LSAMP: variants seen among roughly 807,000 people sequenced by gnomAD.
LSAMP encodes limbic system-associated membrane protein.
A neutral mutation model predicts 38.6 loss-of-function variants in LSAMP; 7 were observed. The ratio of observed to expected loss-of-function variants is 0.18; its 90% confidence interval spans 0.10 to 0.34. The LOEUF (loss-of-function observed/expected upper bound fraction) is 0.34. Ranked by LOEUF, LSAMP falls within the 10% of genes least tolerant of loss-of-function variation. The pLI is 1.00. For missense variants in LSAMP, 313 were observed against 420.0 expected (o/e 0.75, Z 2.23); for synonymous variants, 154 against 166.8 (o/e 0.92, Z 0.59).
intron 2 of LSAMP, among the ~76,000 whole-genome samples, chr3:116,054,845 A>T (rs889285127): frequency 6.6e-6 from 1 of 152,196 alleles, no homozygotes; most frequent in Non-Finnish European, 1.5e-5. Flanking sequence ...ATTGAAGAAC[A>T]AAAGTGCCCT....
chr3:115,907,400 A>C (rs551750032), intron 3 of LSAMP, among the ~76,000 whole-genome samples: 1 of 151,814 alleles, frequency 6.6e-6, no homozygotes, highest in East Asian at 1.9e-4. Flanking sequence ...TTCCACAAGT[A>C]AGGATGCAGC....
intron 3 of LSAMP, among the ~76,000 whole-genome samples, chr3:115,976,796 C>G (rs1319578530): frequency 6.6e-6 from 1 of 152,156 alleles, no homozygotes; most frequent in East Asian, 1.9e-4. Context: ...CTCTCTTTCT[C>G]CTCTGCTGCC....
intron 3 of LSAMP, among the ~76,000 whole-genome samples, chr3:115,953,992 T>G (rs183009121): frequency 2.0e-5 from 3 of 152,332 alleles, no homozygotes; most frequent in Admixed American, 1.3e-4. Flanking sequence ...GCCCCTGCAC[T>G]CTTGACTGCT....
intron 1 of LSAMP, among the ~76,000 whole-genome samples, chr3:116,322,983 T>C (rs1401396727): frequency 6.6e-6 from 1 of 152,092 alleles, no homozygotes; most frequent in African/African-American, 2.4e-5. Context: ...ACAAAATATC[T>C]AAAATTGAGA....
chr3:116,218,628 C>A (rs1406820669), intron 1 of LSAMP, among the ~76,000 whole-genome samples: 1 of 152,102 alleles, frequency 6.6e-6, no homozygotes, highest in Non-Finnish European at 1.5e-5. Context: ...TGGACTACCT[C>A]TCCCTTTTAC....
intron 2 of LSAMP, among the ~76,000 whole-genome samples, chr3:116,026,334 T>C (rs1358394440): frequency 2.0e-5 from 3 of 152,188 alleles, no homozygotes; most frequent in African/African-American, 7.2e-5. Context: ...GAGTTGACTG[T>C]CCAGAGTTGT....
At chr3:116,054,816 G>A (rs1941459119) in intron 2 of LSAMP, among the ~76,000 whole-genome samples, 1 of 152,124 alleles carries the variant, frequency 6.6e-6, no homozygotes, top group Non-Finnish European at 1.5e-5. Context: ...ATCACCACGT[G>A]GTTATGTTCT....
chr3:115,962,997 C>T (rs933664917), intron 3 of LSAMP, among the ~76,000 whole-genome samples: 1 of 152,108 alleles, frequency 6.6e-6, no homozygotes, highest in Non-Finnish European at 1.5e-5. Context: ...ATACATTAGC[C>T]AGGGACCAAC....
chr3:115,827,030 C>T (rs1242168274), intron 6 of LSAMP, among the ~76,000 whole-genome samples: 1 of 149,430 alleles, frequency 6.7e-6, no homozygotes, highest in Non-Finnish European at 1.5e-5. Flanking sequence ...TGTTCTGGAA[C>T]TTCAAGGGAG....
At chr3:116,315,958 G>T (rs1222006846) in intron 1 of LSAMP, among the ~76,000 whole-genome samples, 1 of 152,182 alleles carries the variant, frequency 6.6e-6, no homozygotes, top group Non-Finnish European at 1.5e-5. Context: ...AAAAGTTATT[G>T]AATTCAAATG....
chr3:115,812,073 C>G (rs1337663890), intron 6 of LSAMP, among the ~76,000 whole-genome samples: 1 of 152,136 alleles, frequency 6.6e-6, no homozygotes, highest in African/African-American at 2.4e-5. Flanking sequence ...TCAGCACAAA[C>G]AAAAACAAGG....
chr3:116,230,860 T>G (rs2046395702), intron 1 of LSAMP, among the ~76,000 whole-genome samples: 1 of 152,178 alleles, frequency 6.6e-6, no homozygotes, highest in Non-Finnish European at 1.5e-5. Flanking sequence ...TGAATTGCCT[T>G]CAGTTAAACG....
At chr3:116,427,484 A>T (rs2049218267) in intron 1 of LSAMP, among the ~76,000 whole-genome samples, 1 of 152,200 alleles carries the variant, frequency 6.6e-6, no homozygotes, top group African/African-American at 2.4e-5. Flanking sequence ...TTTTTTGAAT[A>T]GCCATCAGAG....
chr3:115,901,158 C>G (rs373357878), intron 3 of LSAMP, among the ~76,000 whole-genome samples: 3 of 152,202 alleles, frequency 2.0e-5, no homozygotes, highest in South Asian at 2.1e-4. Flanking sequence ...TTTGGATGCT[C>G]TGCCTCTAGA....
chr3:116,066,626 T>A (rs1297765915), intron 2 of LSAMP, among the ~76,000 whole-genome samples: 4 of 152,234 alleles, frequency 2.6e-5, no homozygotes, highest in Non-Finnish European at 5.9e-5. Context: ...CTTCAGATTA[T>A]GTTTTCCATT....
intron 3 of LSAMP, among the ~76,000 whole-genome samples, chr3:115,954,195 T>C (rs1439738965): frequency 6.6e-6 from 1 of 152,232 alleles, no homozygotes; most frequent in Non-Finnish European, 1.5e-5. Context: ...TTATTTGGAA[T>C]GTCTGCAACT....
At chr3:116,264,877 G>A (rs2046872718) in intron 1 of LSAMP, among the ~76,000 whole-genome samples, 1 of 151,218 alleles carries the variant, frequency 6.6e-6, no homozygotes, top group East Asian at 1.9e-4. Context: ...AAGTGCTGGG[G>A]GAAAAAAAAA....
chr3:116,172,700 T>A (rs1710231341), intron 1 of LSAMP, among the ~76,000 whole-genome samples: 1 of 152,072 alleles, frequency 6.6e-6, no homozygotes, highest in East Asian at 1.9e-4. Flanking sequence ...GTTGAGAGGA[T>A]GTGGGATAGA....
intron 3 of LSAMP, among the ~76,000 whole-genome samples, chr3:115,954,469 T>C (rs1016784572): frequency 2.6e-5 from 4 of 152,192 alleles, no homozygotes; most frequent in African/African-American, 9.7e-5. Flanking sequence ...GCAGGGACTT[T>C]TTCAGCAAGA....
Sources: gnomAD v4.1 joint callset for allele counts (sites outside exome capture counted in the v4.1 genomes callset) on GRCh38, gnomAD v4.1.1 for gene constraint, MANE v1.5 for transcripts, NCBI Gene and HGNC (gene_info 2026-07-23, HGNC 2026-07-21) for gene names.